The following PTPRD variants were observed in gnomAD, a reference collection of about 807,000 sequenced individuals.
PTPRD encodes protein tyrosine phosphatase receptor type D, also known as receptor-type tyrosine-protein phosphatase delta.
In PTPRD, 34 loss-of-function variants were observed where a neutral mutation model predicts 214.5. That is an observed-to-expected ratio of 0.16 (90% confidence interval 0.12 to 0.21). PTPRD has a LOEUF of 0.21. Among genes scored for constraint, PTPRD ranks in the 10% least tolerant of loss-of-function variants. The pLI, the probability that PTPRD is intolerant of heterozygous loss-of-function variation, is 1.00. For synonymous variants in PTPRD, 1,128 were observed against 845.7 expected (o/e 1.33, Z -5.79); for missense variants, 2,545 against 2,398.7 (o/e 1.06, Z -1.27).
intron 9 of PTPRD, among the ~76,000 whole-genome samples, chr9:9,302,144 C>A (rs991706937): frequency 6.6e-6 from 1 of 151,906 alleles, no homozygotes; most frequent in Non-Finnish European, 1.5e-5. Flanking sequence ...TTTCAGAAGT[C>A]ATCAAGTTGA....
At chr9:8,572,853 T>C (rs1053044266) in intron 14 of PTPRD, among the ~76,000 whole-genome samples, 1 of 152,082 alleles carries the variant, frequency 6.6e-6, no homozygotes, top group Admixed American at 6.6e-5. Flanking sequence ...TTGGTTTGCA[T>C]GATTCTATTT....
chr9:9,656,379 A>G (rs914223673), intron 7 of PTPRD, among the ~76,000 whole-genome samples: 2 of 152,184 alleles, frequency 1.3e-5, no homozygotes, highest in Non-Finnish European at 2.9e-5. Context: ...TCAGTAGGTA[A>G]ATGTACAAAT....
intron 3 of PTPRD, among the ~76,000 whole-genome samples, chr9:10,178,787 A>G (rs932990128): frequency 6.6e-6 from 1 of 151,972 alleles, no homozygotes; most frequent in African/African-American, 2.4e-5. Flanking sequence ...CTTACTCACT[A>G]GATGTGAGGA....
intron 32 of PTPRD, among the ~76,000 whole-genome samples, chr9:8,464,768 A>C (rs2096508303): frequency 6.6e-6 from 1 of 151,820 alleles, no homozygotes; most frequent in Non-Finnish European, 1.5e-5. Flanking sequence ...CATATAAGCA[A>C]GATGGATTAC....
At chr9:8,777,138 C>T (rs1295747863) in intron 11 of PTPRD, among the ~76,000 whole-genome samples, 2 of 151,806 alleles carry the variant, frequency 1.3e-5, no homozygotes, top group African/African-American at 2.4e-5. Context: ...TGCCACCGCG[C>T]CTAATTTTTT....
chr9:8,806,326 CAA>C (rs1323660110), intron 11 of PTPRD, among the ~76,000 whole-genome samples: 1 of 151,788 alleles, frequency 6.6e-6, no homozygotes, highest in African/African-American at 2.4e-5. Flanking sequence ...CTTTCATTTC[CAA>C]AGAGTTATAA....
intron 4 of PTPRD, among the ~76,000 whole-genome samples, chr9:10,007,515 G>A (rs2096507189): frequency 1.3e-5 from 2 of 151,974 alleles, no homozygotes; most frequent in Admixed American, 6.6e-5. Flanking sequence ...CATCTGTTTG[G>A]ATGGTTTGGG....
chr9:8,810,041 C>T (rs1377073982), intron 11 of PTPRD, among the ~76,000 whole-genome samples: 2 of 152,146 alleles, frequency 1.3e-5, no homozygotes, highest in African/African-American at 4.8e-5. Flanking sequence ...GCCCCAAGTG[C>T]TCCCCTAATG....
intron 3 of PTPRD, among the ~76,000 whole-genome samples, chr9:10,315,247 G>C (rs2096390075): frequency 6.6e-6 from 1 of 151,604 alleles, no homozygotes; most frequent in Non-Finnish European, 1.5e-5. Flanking sequence ...TTTAAAATAA[G>C]GTCAATCACA....
chr9:9,890,436 C>T (rs1373306517), intron 5 of PTPRD, among the ~76,000 whole-genome samples: 1 of 151,966 alleles, frequency 6.6e-6, no homozygotes, highest in African/African-American at 2.4e-5. Flanking sequence ...TAGACTCAAG[C>T]AATCTGCCTG....
chr9:9,619,277 G>C (rs929968513), intron 7 of PTPRD, among the ~76,000 whole-genome samples: 1 of 151,894 alleles, frequency 6.6e-6, no homozygotes, highest in Non-Finnish European at 1.5e-5. Context: ...TGAAGTTGCA[G>C]TATCATTTTG....
chr9:10,413,077 A>G (rs1371055981), intron 2 of PTPRD, among the ~76,000 whole-genome samples: 8 of 151,892 alleles, frequency 5.3e-5, no homozygotes, highest in African/African-American at 1.9e-4. Context: ...CTCTCTCACC[A>G]CTCCTATTCA....
chr9:9,826,299 T>C (rs2052807401), intron 5 of PTPRD, among the ~76,000 whole-genome samples: 1 of 151,874 alleles, frequency 6.6e-6, no homozygotes, highest in African/African-American at 2.4e-5. Context: ...TTTATCTATA[T>C]TTCTTTCCTG....
intron 3 of PTPRD, among the ~76,000 whole-genome samples, chr9:10,309,836 G>A (rs1286645670): frequency 1.3e-5 from 2 of 151,926 alleles, no homozygotes; most frequent in African/African-American, 4.8e-5. Flanking sequence ...TTTAAGAAGG[G>A]CACAATTTTG....
chr9:9,206,502 T>C (rs1253058031), intron 9 of PTPRD, among the ~76,000 whole-genome samples: 1 of 152,142 alleles, frequency 6.6e-6, no homozygotes, highest in Non-Finnish European at 1.5e-5. Flanking sequence ...CTTGAGTGTG[T>C]CTGTGAGGTT....
intron 2 of PTPRD, among the ~76,000 whole-genome samples, chr9:10,494,679 TA>T (rs1432253952): frequency 1.3e-5 from 2 of 151,004 alleles, no homozygotes; most frequent in Non-Finnish European, 1.5e-5. Context: ...TTGTAAAACT[TA>T]AAAAAATTTT....
chr9:8,896,333 G>T (rs185758758), intron 11 of PTPRD, among the ~76,000 whole-genome samples: 215 of 152,242 alleles, frequency 1.4e-3, no homozygotes, highest in African/African-American at 5.0e-3. Context: ...AATCACAATA[G>T]CTTCTAATAA....
At chr9:8,506,459 C>G (rs17650729) in intron 22 of PTPRD, among the ~76,000 whole-genome samples, 3,951 of 152,284 alleles carry the variant, frequency 0.026, 81 homozygotes, top group Non-Finnish European at 0.038. Flanking sequence ...TCAAACTGCA[C>G]TCAAGAAGCA....
intron 2 of PTPRD, among the ~76,000 whole-genome samples, chr9:10,583,610 C>G (rs1270323542): frequency 6.6e-6 from 1 of 152,042 alleles, no homozygotes; most frequent in Non-Finnish European, 1.5e-5. Flanking sequence ...TCCTGAGTAG[C>G]TGGGACTACA....
Sources: gnomAD v4.1 joint callset for allele counts (sites outside exome capture counted in the v4.1 genomes callset) on GRCh38, gnomAD v4.1.1 for gene constraint, MANE v1.5 for transcripts, NCBI Gene and HGNC (gene_info 2026-07-23, HGNC 2026-07-21) for gene names.